Variants in DNAH10 observed in about 807,000 individuals in gnomAD.
DNAH10 encodes the protein dynein axonemal heavy chain 10.
DNAH10 carries 348 observed loss-of-function variants against 506.6 expected under a neutral mutation model. The observed-to-expected ratio is 0.69, with a 90% CI of 0.63 to 0.75. The LOEUF (loss-of-function observed/expected upper bound fraction) is 0.75, where lower values mean the gene tolerates loss of function less well. Among genes scored for constraint, DNAH10 ranks in the 30% least tolerant of loss-of-function variants. The probability of loss-of-function intolerance (pLI) is 0.00; values close to 1 mark genes in which losing one functional copy is unlikely to be tolerated. For synonymous variants in DNAH10, 2,059 were observed against 2,198.6 expected, an observed-to-expected ratio of 0.94 and a Z score of 1.78; for missense variants, 5,179 against 5,787.1, an observed-to-expected ratio of 0.89 and a Z score of 3.41.
At position 123,903,841 on chromosome 12, in the gene DNAH10, C is replaced by T. The variant is rs567770424; in HGVS notation, c.9815+728C>T. Among the ~76,000 whole-genome samples, 2 of 152,322 alleles carry T rather than the reference C, an allele frequency of 1.3e-5. No homozygotes were observed. Among genetic ancestry groups the T allele is most frequent in the South Asian group, 4.1e-4 (2 of 4,824 alleles). On this transcript the variant is annotated intron_variant, in intron 57 of 78. Coordinates refer to ENST00000673944, the MANE Select transcript of DNAH10 (RefSeq NM_001372106.1). This position sits in a 1 kb window ranked among gnomAD's most constrained non-coding sequence, Gnocchi z 4.6. ...TCTGCCCCTGTGCTGCCTGGCCCCG[C>T]ACAGACCCCTCGGCGTGGGAGCCTC...
rs962947877 is a variant in DNAH10, at chr12:123,875,090, G to A, written c.7939-141G>A. On this transcript the variant is annotated intron_variant, in intron 46 of 78. Coordinates refer to ENST00000673944, the MANE Select transcript of DNAH10 (RefSeq NM_001372106.1). ...ATGGATATATACAGTTGCAACCTTT[G>A]AGAAGCCCCATGAAACTGAAACCGA... 6.5e-6 allele frequency: 6 copies of A among 920,934 alleles called. No homozygotes were observed. In the African/African-American group the frequency reaches 1.0e-4, roughly 15 times the overall value. The allele number at this position is 920,934 out of a possible 1,614,324, so 57.0% of individuals were successfully genotyped here.
chr12:123,765,829 C>A (rs941733809), intron 1 of DNAH10, among the ~76,000 whole-genome samples: 17 of 142,908 alleles, frequency 1.2e-4, no homozygotes, highest in South Asian at 6.4e-4. Flanking sequence ...ACATCTATCT[C>A]TATCTATATA....
At chr12:123,872,880 A>G (rs1952091977) in intron 45 of DNAH10, among the ~76,000 whole-genome samples, 1 of 152,232 alleles carries the variant, frequency 6.6e-6, no homozygotes, top group Non-Finnish European at 1.5e-5. Flanking sequence ...GAGCCCAGCA[A>G]GGTGTGTGGC....
At chr12:123,895,599 G>T (rs1953183081) in intron 54 of DNAH10, among the ~76,000 whole-genome samples, 1 of 152,084 alleles carries the variant, frequency 6.6e-6, no homozygotes, top group South Asian at 2.1e-4. Flanking sequence ...AATCGCTATG[G>T]CTGTGATCCA....
At position 123,840,394 on chromosome 12, in the gene DNAH10, G is replaced by GTT. The variant is rs71088961; in HGVS notation, c.5137-901_5137-900dup. Among the ~76,000 whole-genome samples, 41 of 37,788 alleles carry GTT rather than the reference G, an allele frequency of 1.1e-3. 4 individuals are homozygous for GTT. Among genetic ancestry groups the GTT allele is most frequent in the African/African-American group, 2.8e-3 (31 of 11,256 alleles). 24.8% of individuals were successfully genotyped at this position (37,788 alleles called of 152,430 possible). A position where few individuals can be genotyped will look rare whatever the true frequency, so the allele number is the denominator to read the frequency against. ...AGGCTTCTTCAGTATTCTGTTTCCA[G>GTT]TTTTTTTTTTTTTTTTTTTTTTTTT... On this transcript the variant is annotated intron_variant, in intron 29 of 78. Transcript: ENST00000673944.
chr12:123,840,059 T>C (rs1455070299), intron 29 of DNAH10, among the ~76,000 whole-genome samples: 7 of 151,964 alleles, frequency 4.6e-5, no homozygotes, highest in Non-Finnish European at 7.4e-5. Context: ...GGATGACTCT[T>C]TGCTGTGGCT....
intron 43 of DNAH10, among the ~76,000 whole-genome samples, chr12:123,868,392 T>G (rs1951896409): frequency 6.6e-6 from 1 of 152,226 alleles, no homozygotes; most frequent in Non-Finnish European, 1.5e-5. Flanking sequence ...CTTCCTTTGC[T>G]CTTTAAACTT....
At position 123,896,108 on chromosome 12, in the gene DNAH10, A is replaced by C. The variant is rs969826214; in HGVS notation, c.9280+1385A>C. On this transcript the variant is annotated intron_variant, in intron 54 of 78. Transcript: ENST00000673944. ...ATCCTGGGAGGCACAGTGAGACTTT[A>C]TCTCACACACACACACACACACACA... 8.9e-5 allele frequency among the ~76,000 whole-genome samples: 4 copies of C among 45,000 alleles called. No homozygotes were observed. The South Asian group carries it at 3.3e-3, about 37-fold the overall frequency. 29.5% of individuals were successfully genotyped at this position (45,000 alleles called of 152,430 possible).
chr12:123,821,742 G>A (rs1959428920), intron 24 of DNAH10, among the ~76,000 whole-genome samples: 2 of 152,104 alleles, frequency 1.3e-5, no homozygotes, highest in Non-Finnish European at 2.9e-5. Context: ...TTAAGGCATG[G>A]GGTAAACTGT....
In DNAH10 at chr12:123,889,902, C is replaced by T. The variant is rs372881715; in HGVS notation, c.8995+2589C>T. Among the ~76,000 whole-genome samples the T allele has an allele frequency of 1.2e-4, 18 of 152,294 alleles. No homozygotes were observed. In the South Asian group the frequency reaches 3.7e-3, roughly 32 times the overall value. On this transcript the variant is annotated intron_variant, in intron 52 of 78. Coordinates refer to ENST00000673944, the MANE Select transcript of DNAH10 (RefSeq NM_001372106.1). Reference sequence around the variant, plus strand: ...GGCCACCCGTTTCTTGGCTCTTTAGCTCGCTGGCTCTCATCCTTCCAGTCT... The same window carrying T: ...GGCCACCCGTTTCTTGGCTCTTTAGTTCGCTGGCTCTCATCCTTCCAGTCT...
intron 3 of DNAH10, among the ~76,000 whole-genome samples, chr12:123,772,450 C>G (rs1022601094): frequency 2.0e-5 from 3 of 152,194 alleles, no homozygotes; most frequent in Non-Finnish European, 4.4e-5. Flanking sequence ...GAACCCTGTT[C>G]TGTGAAAACC....
intron 41 of DNAH10, 89 bp from the exon 42 acceptor site, chr12:123,867,378 C>A: frequency 7.0e-7 from 1 of 1,423,794 alleles, no homozygotes; most frequent in Non-Finnish European, 9.5e-7. Context: ...AGATGTTGCT[C>A]AACCCTCTTT....
Position 123,916,137 on chromosome 12 carries a change from G to C in DNAH10, c.10723-320G>C, listed in dbSNP as rs1954467162. 6.6e-6 allele frequency among the ~76,000 whole-genome samples: 1 copy of C among 152,090 alleles called. No homozygotes were observed. On this transcript the variant is annotated intron_variant, in intron 62 of 78. Coordinates refer to ENST00000673944, the MANE Select transcript of DNAH10 (RefSeq NM_001372106.1). The surrounding 1 kb of genome is among the most constrained non-coding windows in gnomAD (Gnocchi z 4.6). ...CTCCCTCTTCCCTCAGCCTGCCAGGGAGCACTGAAATTGTCAGCCTACCCC... is the reference window on the plus strand; with the variant it reads ...CTCCCTCTTCCCTCAGCCTGCCAGGCAGCACTGAAATTGTCAGCCTACCCC...
In DNAH10 at chr12:123,841,384, C is replaced by G; in HGVS notation, c.5199C>G (p.Ser1733=). The G allele has an allele frequency of 6.2e-7, 1 of 1,613,904 alleles. No homozygotes were observed. The highest frequency in any genetic ancestry group is 8.5e-7 in the Non-Finnish European group (1 of 1,179,884). ...NDGDSGEKLV[S]AMISAEGEVM... is the part of the protein sequence containing the mutation. ...GCGATAGTGGAGAAAAACTGGTGTC[C>G]GCGATGATTTCAGCAGAAGGAGAAG... Residue 1733 remains serine (S), a synonymous_variant, in exon 30 of 79, where the codon TCC becomes TCG. Transcript: ENST00000673944.
At chr12:123,864,989 C>T (rs1239974137) in intron 40 of DNAH10, among the ~76,000 whole-genome samples, 1 of 152,110 alleles carries the variant, frequency 6.6e-6, no homozygotes, top group African/African-American at 2.4e-5. Context: ...TGATATTCTT[C>T]CTTTATACAT....
rs954837063 is a variant in DNAH10 at position 123,785,250 on chromosome 12, A to G, written c.1231-496A>G. 1.3e-5 allele frequency among the ~76,000 whole-genome samples: 2 copies of G among 152,210 alleles called. No individual in the cohort carries two copies. Among genetic ancestry groups the G allele is most frequent in the African/African-American group, 4.8e-5 (2 of 41,460 alleles). On this transcript the variant is annotated intron_variant, in intron 8 of 78. Coordinates refer to ENST00000673944, the MANE Select transcript of DNAH10 (RefSeq NM_001372106.1). This position sits in a 1 kb window ranked among gnomAD's most constrained non-coding sequence, Gnocchi z 4.1. ...TTCCGTATCTTCACCACCACTTGTT[A>G]TCGTCTTTCTGATAATAGCCATTGT... is the stretch of plus-strand genomic sequence containing the variant.
intron 10 of DNAH10, among the ~76,000 whole-genome samples, chr12:123,789,077 G>A (rs1337473781): frequency 1.3e-5 from 2 of 152,052 alleles, no homozygotes; most frequent in Non-Finnish European, 2.9e-5. Flanking sequence ...GTGAAACCCT[G>A]TCTCTATGAA....
chr12:123,838,222 A>T (rs1961382244), intron 28 of DNAH10, among the ~76,000 whole-genome samples: 1 of 152,246 alleles, frequency 6.6e-6, no homozygotes, highest in Non-Finnish European at 1.5e-5. Flanking sequence ...CTTACGGGAT[A>T]ACGAAAAGAA....
chr12:123,802,735 T>C (rs1243361754), intron 16 of DNAH10, among the ~76,000 whole-genome samples: 1 of 151,978 alleles, frequency 6.6e-6, no homozygotes, highest in South Asian at 2.1e-4. Context: ...TGTCACTTTT[T>C]TTTTTTTTTT....
Sources: allele counts gnomAD v4.1 joint callset (sites outside exome capture counted in the v4.1 genomes callset), GRCh38; gene constraint gnomAD v4.1.1; non-coding constraint Gnocchi (gnomAD v3.1); transcripts MANE v1.5; gene names NCBI Gene and HGNC (gene_info 2026-07-23, HGNC 2026-07-21).